TANC1: variants seen among roughly 807,000 people sequenced by gnomAD.
TANC1 encodes the protein protein TANC1.
A neutral mutation model predicts 149.7 loss-of-function variants in TANC1; 77 were observed. The observed-to-expected ratio is 0.51, with a 90% CI of 0.43 to 0.62. The LOEUF (loss-of-function observed/expected upper bound fraction) is 0.62. Ranked by LOEUF, TANC1 falls within the 20% of genes least tolerant of loss-of-function variation. The probability of loss-of-function intolerance (pLI) is 0.00; values close to 1 mark genes in which losing one functional copy is unlikely to be tolerated. For synonymous variants in TANC1, 854 were observed against 925.0 expected (o/e 0.92, Z 1.39); for missense variants, 1,985 against 2,321.8 (o/e 0.85, Z 2.98).
intron 5 of TANC1, among the ~76,000 whole-genome samples, chr2:159,136,670 T>C (rs1238600239): frequency 6.6e-6 from 1 of 151,796 alleles, no homozygotes; most frequent in African/African-American, 2.4e-5. Flanking sequence ...GCTGAAAAGC[T>C]GAAACCTTAA....
At chr2:159,168,137 G>T (rs756615905) in intron 8 of TANC1, among the ~76,000 whole-genome samples, 1 of 151,976 alleles carries the variant, frequency 6.6e-6, no homozygotes, top group Non-Finnish European at 1.5e-5. Flanking sequence ...AACCAAATTA[G>T]GTTAATTTTA....
At chr2:159,070,263 A>G (rs13020380) in intron 3 of TANC1, among the ~76,000 whole-genome samples, 37,949 of 150,396 alleles carry the variant, frequency 0.25, 5,975 homozygotes, top group Non-Finnish European at 0.37. Flanking sequence ...TTTAAAGAAG[A>G]CTTTTTTTTT....
intron 1 of TANC1, among the ~76,000 whole-genome samples, chr2:158,981,424 T>C (rs1156947039): frequency 2.0e-5 from 3 of 146,656 alleles, no homozygotes; most frequent in Non-Finnish European, 3.0e-5. Flanking sequence ...ATTGAACCAC[T>C]GCACTCCAGC....
chr2:158,979,712 T>C (rs2034085506), intron 1 of TANC1, among the ~76,000 whole-genome samples: 1 of 152,142 alleles, frequency 6.6e-6, no homozygotes, highest in South Asian at 2.1e-4. Context: ...CTTTGAAATA[T>C]CTTAAGGTAG....
chr2:159,168,166 A>G (rs73002946), intron 8 of TANC1, among the ~76,000 whole-genome samples: 1,637 of 152,294 alleles, frequency 0.011, 32 homozygotes, highest in African/African-American at 0.037. Context: ...TCAATGTAAT[A>G]ACAGGAGGGG....
chr2:159,220,466 C>A (rs1351806332), intron 22 of TANC1, among the ~76,000 whole-genome samples: 3 of 151,734 alleles, frequency 2.0e-5, no homozygotes, highest in Non-Finnish European at 1.5e-5. Context: ...CACCACCATG[C>A]CTAATTTTTG....
At chr2:159,197,011 A>G (rs1263179725) in intron 18 of TANC1, among the ~76,000 whole-genome samples, 4 of 152,108 alleles carry the variant, frequency 2.6e-5, no homozygotes, top group African/African-American at 7.2e-5. Context: ...TTATTTTTCT[A>G]TGGGAAGCCT....
chr2:159,023,993 A>G (rs887716983), intron 2 of TANC1, among the ~76,000 whole-genome samples: 1 of 152,078 alleles, frequency 6.6e-6, no homozygotes, highest in African/African-American at 2.4e-5. Context: ...ATTGTCAAAA[A>G]TATACAAGTA....
intron 6 of TANC1, chr2:159,149,498 C>G: frequency 1.8e-6 from 1 of 543,434 alleles, no homozygotes; most frequent in Non-Finnish European, 3.3e-6. Flanking sequence ...CATTAACCTT[C>G]TAGTCACCAC....
At chr2:159,225,591 C>G (rs2059975596) in intron 23 of TANC1, 97 bp from the exon 24 acceptor site, 2 of 897,974 alleles carry the variant, frequency 2.2e-6, no homozygotes, top group Middle Eastern at 2.2e-4. Context: ...CAGCTGGGCT[C>G]CTGCTGGTGC....
At chr2:159,066,758 A>G (rs557080333) in intron 3 of TANC1, among the ~76,000 whole-genome samples, 19 of 152,332 alleles carry the variant, frequency 1.2e-4, no homozygotes, top group Non-Finnish European at 2.9e-5. Context: ...CATTATAATG[A>G]GAACTACTTA....
chr2:159,186,675 C>G (rs943200238), intron 15 of TANC1, among the ~76,000 whole-genome samples: 7 of 152,190 alleles, frequency 4.6e-5, no homozygotes, highest in African/African-American at 1.7e-4. Context: ...ATCTCTCTCC[C>G]AAGGCACAAA....
chr2:159,118,885 T>C (rs760234648), intron 4 of TANC1, among the ~76,000 whole-genome samples: 3 of 152,152 alleles, frequency 2.0e-5, no homozygotes, highest in Non-Finnish European at 2.9e-5. Flanking sequence ...CTTTAAACTC[T>C]TAAAGAAAAA....
At position 159,230,781 on chromosome 2, in the gene TANC1, T is replaced by C. The variant is rs375181601; in HGVS notation, c.5355T>C (p.Cys1785=). 918 of 1,614,210 alleles carry C rather than the reference T, an allele frequency of 5.7e-4. No homozygotes were observed. Among genetic ancestry groups the C allele is most frequent in the Non-Finnish European group, 7.4e-4 (870 of 1,180,036 alleles). ...GATATAATAACCAAGCCAAAACCTG[T>C]TCTGTTTCTACCCTGAGTGCAAGTG... is the stretch of plus-strand genomic sequence containing the variant. The part of the protein sequence containing the change: ...VGGYNNQAKT[C]SVSTLSASVH... The change falls in exon 27 of 27, where the codon TGT becomes TGC. Residue 1785 remains cysteine (C), a synonymous_variant. Coordinates refer to ENST00000263635, the MANE Select transcript of TANC1 (RefSeq NM_033394.3). The surrounding 1 kb of genome is among the most constrained non-coding windows in gnomAD (Gnocchi z 4.4).
intron 3 of TANC1, among the ~76,000 whole-genome samples, chr2:159,096,194 C>T (rs1301471351): frequency 2.0e-5 from 3 of 151,898 alleles, no homozygotes; most frequent in Admixed American, 2.0e-4. Context: ...TGCACATCCT[C>T]AGTTCCATCT....
At chr2:158,979,325 C>CA (rs1232709711) in intron 1 of TANC1, among the ~76,000 whole-genome samples, 2 of 151,786 alleles carry the variant, frequency 1.3e-5, no homozygotes, top group Non-Finnish European at 2.9e-5. Context: ...TCTGTCTCTA[C>CA]AAAATTTTTT....
At chr2:159,214,940 CG>C (rs2059250197) in intron 19 of TANC1, among the ~76,000 whole-genome samples, 1 of 152,166 alleles carries the variant, frequency 6.6e-6, no homozygotes, top group Non-Finnish European at 1.5e-5. Context: ...GTGGAACATT[CG>C]GAATCAGCCA....
At chr2:159,197,003 A>AT (rs1225320303) in intron 18 of TANC1, among the ~76,000 whole-genome samples, 1 of 152,030 alleles carries the variant, frequency 6.6e-6, no homozygotes, top group Admixed American at 6.5e-5. Flanking sequence ...AGGCAGGCTT[A>AT]TTTTTCTATG....
intron 2 of TANC1, among the ~76,000 whole-genome samples, chr2:159,039,700 A>G (rs915795803): frequency 2.6e-5 from 4 of 152,160 alleles, no homozygotes; most frequent in Non-Finnish European, 5.9e-5. Flanking sequence ...ATTTGATTGC[A>G]CTATGGTCTG....
Sources: gnomAD v4.1 joint callset for allele counts (sites outside exome capture counted in the v4.1 genomes callset) on GRCh38, gnomAD v4.1.1 for gene constraint, Gnocchi (gnomAD v3.1) non-coding constraint, MANE v1.5 for transcripts, NCBI Gene and HGNC (gene_info 2026-07-23, HGNC 2026-07-21) for gene names.